Variants in HECW1 observed in about 807,000 individuals in gnomAD.
HECW1 encodes the protein HECT, C2 and WW domain containing E3 ubiquitin protein ligase 1.
In HECW1, 61 loss-of-function variants were observed where a neutral mutation model predicts 182.3. The observed-to-expected ratio is 0.33, with a 90% CI of 0.27 to 0.41. The LOEUF is 0.41. Among genes scored for constraint, HECW1 ranks in the 10% least tolerant of loss-of-function variants. The pLI is 1.00. For synonymous variants in HECW1, 859 were observed against 832.6 expected (o/e 1.03, Z -0.55); for missense variants, 1,739 against 2,108.9 (o/e 0.82, Z 3.44).
intron 3 of HECW1, among the ~76,000 whole-genome samples, chr7:43,309,931 AC>A (rs1382978060): frequency 6.6e-6 from 1 of 152,188 alleles, no homozygotes; most frequent in Non-Finnish European, 1.5e-5. Flanking sequence ...CAGGTACTGT[AC>A]TAAGAACTTG....
intron 13 of HECW1, 143 bp downstream of exon 13, chr7:43,456,590 T>A (rs1220460168): frequency 1.3e-6 from 1 of 741,366 alleles, no homozygotes; most frequent in Non-Finnish European, 2.0e-6. Context: ...CTGTTCCTAG[T>A]AGGTATTTGG....
chr7:43,292,019 C>A (rs931669916), intron 3 of HECW1, among the ~76,000 whole-genome samples: 1 of 152,198 alleles, frequency 6.6e-6, no homozygotes, highest in South Asian at 2.1e-4. Context: ...TTCAGGGTCA[C>A]CCTTCTCTTC....
intron 3 of HECW1, among the ~76,000 whole-genome samples, chr7:43,279,859 C>T (rs1803666183): frequency 6.6e-6 from 1 of 152,198 alleles, no homozygotes; most frequent in Admixed American, 6.5e-5. Context: ...TAAACCACAG[C>T]AGTGCAGCGA....
intron 3 of HECW1, among the ~76,000 whole-genome samples, chr7:43,265,445 A>C (rs1229333331): frequency 2.0e-5 from 3 of 152,218 alleles, no homozygotes; most frequent in African/African-American, 7.2e-5. Flanking sequence ...CAGAAGCATA[A>C]AAAGAGAAGC....
intron 26 of HECW1, 116 bp from the exon 27 acceptor site, chr7:43,550,329 C>T: frequency 1.8e-6 from 2 of 1,093,768 alleles, no homozygotes; most frequent in Non-Finnish European, 1.3e-6. Context: ...GATAATAATG[C>T]TGAATAATGC....
chr7:43,349,961 T>A (rs1368458640), intron 5 of HECW1, among the ~76,000 whole-genome samples: 1 of 152,196 alleles, frequency 6.6e-6, no homozygotes, highest in Non-Finnish European at 1.5e-5. Context: ...ATAGGTCCTG[T>A]GTGATTTATG....
chr7:43,496,276 C>T lies in HECW1; in HGVS notation c.3437+3096C>T, dbSNP rs576273450. 3.3e-5 allele frequency among the ~76,000 whole-genome samples: 5 copies of T among 151,450 alleles called. No homozygotes were observed. In the South Asian group the frequency reaches 1.1e-3, roughly 32 times the overall value. On this transcript the variant is annotated intron_variant, in intron 19 of 29. Transcript: ENST00000395891. Reference sequence around the variant, plus strand: ...ATGGAAGCACTTATGGACTCTCCTCCACATATAAATATAAACCTCTGAATA... The same window carrying T: ...ATGGAAGCACTTATGGACTCTCCTCTACATATAAATATAAACCTCTGAATA...
At chr7:43,268,840 T>A (rs1474097950) in intron 3 of HECW1, among the ~76,000 whole-genome samples, 4 of 152,194 alleles carry the variant, frequency 2.6e-5, no homozygotes. Context: ...AGTGTGATCA[T>A]GGCTCACTGC....
intron 8 of HECW1, among the ~76,000 whole-genome samples, chr7:43,408,377 G>A (rs1313314418): frequency 6.6e-6 from 1 of 152,050 alleles, no homozygotes; most frequent in African/African-American, 2.4e-5. Context: ...GGTCCTCCAA[G>A]TTCTCTCCTA....
chr7:43,262,829 C>G (rs1314208798), intron 3 of HECW1, among the ~76,000 whole-genome samples: 1 of 152,198 alleles, frequency 6.6e-6, no homozygotes, highest in Non-Finnish European at 1.5e-5. Flanking sequence ...TCCACCTTCT[C>G]CCTACTTCCC....
At chr7:43,426,949 C>T (rs897876941) in intron 8 of HECW1, among the ~76,000 whole-genome samples, 1 of 151,770 alleles carries the variant, frequency 6.6e-6, no homozygotes, top group African/African-American at 2.4e-5. Context: ...GAGAGAACAA[C>T]CATAGTTTTT....
At chr7:43,219,031 G>A (rs1264262374) in intron 2 of HECW1, among the ~76,000 whole-genome samples, 2 of 152,098 alleles carry the variant, frequency 1.3e-5, no homozygotes, top group African/African-American at 4.8e-5. Flanking sequence ...TTTGCATAGG[G>A]CTCAGGGGAT....
At chr7:43,316,960 G>A (rs1483449259) in intron 4 of HECW1, among the ~76,000 whole-genome samples, 5 of 150,936 alleles carry the variant, frequency 3.3e-5, no homozygotes, top group African/African-American at 1.2e-4. Context: ...GTGCAAGATC[G>A]GGAAGGTGAA....
intron 3 of HECW1, among the ~76,000 whole-genome samples, chr7:43,293,232 A>G (rs553757688): frequency 2.6e-5 from 4 of 151,156 alleles, no homozygotes; most frequent in East Asian, 1.9e-4. Context: ...AAAAAAAAAA[A>G]AAAAGAAAAG....
intron 3 of HECW1, among the ~76,000 whole-genome samples, chr7:43,287,937 A>G (rs1804870655): frequency 6.6e-6 from 1 of 152,162 alleles, no homozygotes; most frequent in Admixed American, 6.6e-5. Flanking sequence ...ATCTACGGAG[A>G]TGGGGAAGAG....
intron 3 of HECW1, chr7:43,245,716 G>A (rs1562726653): frequency 6.6e-6 from 1 of 152,200 alleles, no homozygotes; most frequent in Non-Finnish European, 1.5e-5. Flanking sequence ...GAGAAGACTG[G>A]GATCCCAGCT....
At chr7:43,445,959 G>C (rs1562989287) in intron 11 of HECW1, among the ~76,000 whole-genome samples, 1 of 152,324 alleles carries the variant, frequency 6.6e-6, no homozygotes, top group Middle Eastern at 3.4e-3. Flanking sequence ...ACATTAAATG[G>C]ATAATGTGTA....
chr7:43,354,141 T>G (rs1398817952), intron 5 of HECW1, among the ~76,000 whole-genome samples: 1 of 140,706 alleles, frequency 7.1e-6, no homozygotes, highest in Non-Finnish European at 1.5e-5. Context: ...AAGAAAGATA[T>G]CAACAGGTAA....
At chr7:43,322,129 G>A (rs140078788) in intron 5 of HECW1, among the ~76,000 whole-genome samples, 9,648 of 152,240 alleles carry the variant, frequency 0.063, 396 homozygotes, top group Middle Eastern at 0.11. Flanking sequence ...GAGTGCAATG[G>A]CACAATCTCG....
Sources: allele counts gnomAD v4.1 joint callset (sites outside exome capture counted in the v4.1 genomes callset), GRCh38; gene constraint gnomAD v4.1.1; transcripts MANE v1.5; gene names NCBI Gene and HGNC (gene_info 2026-07-23, HGNC 2026-07-21).